SPAG7: variants seen among roughly 807,000 people sequenced by gnomAD.
The protein encoded by SPAG7 is sperm-associated antigen 7.
A neutral mutation model predicts 30.6 loss-of-function variants in SPAG7; 20 were observed. That is an observed-to-expected ratio of 0.65 (90% CI 0.46 to 0.95). The LOEUF (loss-of-function observed/expected upper bound fraction) is 0.95, where lower values mean the gene tolerates loss of function less well. SPAG7 is among the 40% of genes least tolerant of loss of function. The pLI is 0.00. For missense variants in SPAG7, 276 were observed against 291.1 expected (o/e 0.95, Z 0.38); for synonymous variants, 127 against 104.2 (o/e 1.22, Z -1.33).
chr17:4,967,784 G>A lies in SPAG7; in HGVS notation c.21C>T (p.Ser7=), dbSNP rs1230899006. 2 of 1,613,850 alleles carry A rather than the reference G, an allele frequency of 1.2e-6. No homozygotes were observed. The highest frequency in any genetic ancestry group is 1.7e-5 in the Admixed American group (1 of 60,010). ...GTGGCTTCTCCATGGAGCTCAGGAT[G>A]GAGCCCAGTAGGTCCGCCATCTTGG... The part of the protein sequence containing the change: MADLLG[S]ILSSMEKPPS... Residue 7 remains serine, a synonymous_variant, in exon 1 of 7, where the codon TCC becomes TCT. Coordinates refer to ENST00000206020, the MANE Select transcript of SPAG7 (RefSeq NM_004890.3).
chr17:4,959,333 T>G lies in SPAG7; in HGVS notation c.*201A>C. 2 of 587,968 alleles carry G rather than the reference T, an allele frequency of 3.4e-6. No homozygotes were observed. The highest frequency in any genetic ancestry group is 3.0e-6 in the Non-Finnish European group (1 of 329,534). 36.4% of individuals were successfully genotyped at this position (587,968 alleles called of 1,614,324 possible). On this transcript the variant is annotated 3_prime_UTR_variant, in exon 7 of 7. Coordinates refer to ENST00000206020, the MANE Select transcript of SPAG7 (RefSeq NM_004890.3). The stretch of plus-strand genomic sequence containing the variant: ...TAAATACCCACCTGTGCATTCACAC[T>G]CTCACACACACACACACATGCCACG...
intron 1 of SPAG7, among the ~76,000 whole-genome samples, chr17:4,963,047 G>A (rs1971890234): frequency 6.6e-6 from 1 of 151,840 alleles, no homozygotes; most frequent in Non-Finnish European, 1.5e-5. Context: ...GATTATAGGT[G>A]TGAACCACCA....
rs1208980619 is a variant in SPAG7 at position 4,959,584 on chromosome 17, C to T, written c.634G>A (p.Ala212Thr). 1 of 1,614,138 alleles carries T rather than the reference C, an allele frequency of 6.2e-7. No individual in the cohort carries two copies. Among genetic ancestry groups the T allele is most frequent in the South Asian group, 1.1e-5 (1 of 91,088 alleles). ...CCACTCTGCCGCAGACGCTTCTTGG[C>T]TCTGATCTCATTCATAGCCTCTTCA... ...SIEEAMNEIR[A>T]KKRLRQSGEE... The change falls in exon 7 of 7, where the codon GCC becomes ACC. Residue 212 changes from alanine (A) to threonine (T), a missense_variant. Ala to Thr is a moderately conservative substitution (Grantham distance 58). Transcript: ENST00000206020.
chr17:4,960,390 C>A lies in SPAG7; in HGVS notation c.242+69G>T, dbSNP rs553950711. 3.8e-6 allele frequency: 6 copies of A among 1,593,350 alleles called. No homozygotes were observed. In the East Asian group the frequency reaches 1.3e-4, roughly 36 times the overall value. Reference sequence around the variant, plus strand: ...GGCCTAGTGCCCTCCTCTGGAGGAGCCCCCCGCTGGCCCTTTCATGCCCCG... The same window carrying A: ...GGCCTAGTGCCCTCCTCTGGAGGAGACCCCCGCTGGCCCTTTCATGCCCCG... On this transcript the variant is annotated intron_variant, in intron 3 of 6. Coordinates refer to ENST00000206020, the MANE Select transcript of SPAG7 (RefSeq NM_004890.3).
At chr17:4,965,132 C>T (rs1488021457) in intron 1 of SPAG7, among the ~76,000 whole-genome samples, 4 of 152,112 alleles carry the variant, frequency 2.6e-5, no homozygotes, top group African/African-American at 4.8e-5. Flanking sequence ...AGGCTGGTCT[C>T]GAACTCCCGA....
Position 4,960,080 on chromosome 17 carries a change from G to C in SPAG7, c.359C>G (p.Ser120Cys), listed in dbSNP as rs1042970910. The C allele has an allele frequency of 4.3e-6, 7 of 1,614,058 alleles. No homozygotes were observed. The highest frequency in any genetic ancestry group is 4.0e-5 in the African/African-American group (3 of 74,946). ...EFAPSDEELD[S>C]YRRGEEWDPQ... ...GTCCCATTCCTCTCCACGACGGTAA[G>C]AGTCTAGCTCTTCATCTGAGGGTGC... The change falls in exon 5 of 7, where the codon TCT becomes TGT. Residue 120 changes from serine to cysteine, a missense_variant. Ser to Cys is a moderately radical substitution (Grantham distance 112). Coordinates refer to ENST00000206020, the MANE Select transcript of SPAG7 (RefSeq NM_004890.3).
chr17:4,966,765 A>AC (rs1273968715), intron 1 of SPAG7: 4 of 985,312 alleles, frequency 4.1e-6, no homozygotes, highest in Non-Finnish European at 4.8e-6. Flanking sequence ...CCTGAGGGGT[A>AC]CCCCTGGTCC....
Position 4,959,787 on chromosome 17 carries a change from G to A in SPAG7, c.547C>T (p.Leu183=). ...CAGCCGTAGGTCTTATTGGCCTGTAGCATGTGGGCTGCGTCTTTGGCTGCT... is the reference window on the plus strand; with the variant it reads ...CAGCCGTAGGTCTTATTGGCCTGTAACATGTGGGCTGCGTCTTTGGCTGCT... ...KGAAKDAAHM[L]QANKTYGCVP... is the part of the protein sequence containing the mutation. The change falls in exon 6 of 7, where the codon CTA becomes TTA. Residue 183 remains leucine (L), a synonymous_variant. Transcript: ENST00000206020. 1 of 1,614,182 alleles carries A rather than the reference G, an allele frequency of 6.2e-7. No individual in the cohort carries two copies.
intron 1 of SPAG7, chr17:4,966,631 TG>T (rs752632673): frequency 4.5e-5 from 44 of 985,260 alleles, no homozygotes; most frequent in Non-Finnish European, 5.3e-5. Flanking sequence ...CACTGCAGAT[TG>T]GGGGAGAACC....
chr17:4,964,298 C>T (rs1034902370), intron 1 of SPAG7, among the ~76,000 whole-genome samples: 1 of 151,936 alleles, frequency 6.6e-6, no homozygotes, highest in East Asian at 1.9e-4. Context: ...ATGCTTCTTC[C>T]TACTCCTGCT....
chr17:4,959,428 G>A lies in SPAG7; in HGVS notation c.*106C>T. 1 of 819,144 alleles carries A rather than the reference G, an allele frequency of 1.2e-6. No homozygotes were observed. The allele number at this position is 819,144 out of a possible 1,614,324, so 50.7% of individuals were successfully genotyped here. ...CCCCAGCCTGAGGGACAGCTGGTAG[G>A]AGGTGGTTCAGAGGTGGGGCTCCAG... is the stretch of plus-strand genomic sequence containing the variant. On this transcript the variant is annotated 3_prime_UTR_variant, in exon 7 of 7. Coordinates refer to ENST00000206020, the MANE Select transcript of SPAG7 (RefSeq NM_004890.3).
Position 4,959,342 on chromosome 17 carries a change from C to T in SPAG7, c.*192G>A. 2 of 601,918 alleles carry T rather than the reference C, an allele frequency of 3.3e-6. No homozygotes were observed. The highest frequency in any genetic ancestry group is 2.0e-5 in the South Asian group (1 of 50,996). 37.3% of individuals were successfully genotyped at this position (601,918 alleles called of 1,614,324 possible). On this transcript the variant is annotated 3_prime_UTR_variant, in exon 7 of 7. Transcript: ENST00000206020. ...ACCTGTGCATTCACACTCTCACACA[C>T]ACACACACATGCCACGCACATATCC...
chr17:4,960,184 G>A (rs746654229), intron 4 of SPAG7, 50 bp downstream of exon 4: 4 of 1,600,692 alleles, frequency 2.5e-6, no homozygotes, highest in South Asian at 2.2e-5. Context: ...GGGGAGGGGG[G>A]ATAAGGCTAC....
At chr17:4,964,246 T>G (rs1208398636) in intron 1 of SPAG7, among the ~76,000 whole-genome samples, 1 of 152,166 alleles carries the variant, frequency 6.6e-6, no homozygotes, top group Non-Finnish European at 1.5e-5. Flanking sequence ...CTTGCCTGTC[T>G]TCCCCACGAT....
At position 4,959,351 on chromosome 17, in the gene SPAG7, A is replaced by T. The variant is rs139271686; in HGVS notation, c.*183T>A. Reference sequence around the variant, plus strand: ...TTCACACTCTCACACACACACACACATGCCACGCACATATCCAAGCTCCAA... The same window carrying T: ...TTCACACTCTCACACACACACACACTTGCCACGCACATATCCAAGCTCCAA... On this transcript the variant is annotated 3_prime_UTR_variant, in exon 7 of 7. Coordinates refer to ENST00000206020, the MANE Select transcript of SPAG7 (RefSeq NM_004890.3). The T allele has an allele frequency of 1.8e-5, 10 of 543,632 alleles. No homozygotes were observed. The highest frequency in any genetic ancestry group is 3.4e-5 in the Non-Finnish European group (10 of 298,456). The allele number at this position is 543,632 out of a possible 1,614,324, so 33.7% of individuals were successfully genotyped here. A position where few individuals can be genotyped will look rare whatever the true frequency, so the allele number is the denominator to read the frequency against.
chr17:4,966,375 C>G (rs1971951834), intron 1 of SPAG7: 1 of 158,424 alleles, frequency 6.3e-6, no homozygotes, highest in South Asian at 2.0e-4. Context: ...CCCAGTCATA[C>G]CTGGGTTTGA....
At chr17:4,967,609 G>A (rs1597717091) in intron 1 of SPAG7, 111 bp downstream of exon 1, 2 of 807,812 alleles carry the variant, frequency 2.5e-6, no homozygotes, top group South Asian at 1.5e-5. Context: ...GGTCTCGGAA[G>A]GGGCCTGTGA....
chr17:4,962,911 G>A (rs1186522780), intron 1 of SPAG7, among the ~76,000 whole-genome samples: 1 of 151,574 alleles, frequency 6.6e-6, no homozygotes, highest in African/African-American at 2.4e-5. Flanking sequence ...TTGAGCCTCT[G>A]CACCCAGCCT....
intron 3 of SPAG7, 42 bp from the exon 4 acceptor site, chr17:4,960,360 G>A (rs767075045): frequency 6.2e-7 from 1 of 1,609,508 alleles, no homozygotes; most frequent in South Asian, 1.1e-5. Context: ...CTTGAGCCAG[G>A]AGCGGGCCTA....
Sources: allele counts gnomAD v4.1 joint callset (sites outside exome capture counted in the v4.1 genomes callset), GRCh38; gene constraint gnomAD v4.1.1; transcripts MANE v1.5; gene names NCBI Gene and HGNC (gene_info 2026-07-23, HGNC 2026-07-21).